CHN2: variants seen among roughly 807,000 people sequenced by gnomAD.
CHN2 encodes chimerin 2.
Under a neutral mutation model 56.3 loss-of-function variants are expected in CHN2, and 35 were observed. The ratio of observed to expected loss-of-function variants is 0.62; its 90% confidence interval spans 0.47 to 0.82. The LOEUF (loss-of-function observed/expected upper bound fraction) is 0.82. Ranked by LOEUF, CHN2 falls within the 40% of genes least tolerant of loss-of-function variation. The probability of loss-of-function intolerance (pLI) is 0.00; values close to 1 mark genes in which losing one functional copy is unlikely to be tolerated. For synonymous variants in CHN2, 210 were observed against 212.8 expected (o/e 0.99, Z 0.12); for missense variants, 491 against 580.5 (o/e 0.85, Z 1.58).
chr7:29,308,145 C>G (rs1191057579), intron 1 of CHN2, among the ~76,000 whole-genome samples: 1 of 152,136 alleles, frequency 6.6e-6, no homozygotes, highest in African/African-American at 2.4e-5. Flanking sequence ...TCTACAAGCT[C>G]CTGCTTTTTC....
chr7:29,453,725 T>G (rs1784557676), intron 6 of CHN2, among the ~76,000 whole-genome samples: 1 of 152,182 alleles, frequency 6.6e-6, no homozygotes, highest in African/African-American at 2.4e-5. Context: ...GGTTTGGATT[T>G]GATAGAGAGA....
rs556692737 is a variant in CHN2 at position 29,440,684 on chromosome 7, C to CAAA, written c.577-39569_577-39567dup. Among the ~76,000 whole-genome samples, 160 of 45,618 alleles carry CAAA rather than the reference C, an allele frequency of 3.5e-3. 12 individuals are homozygous for CAAA. Among genetic ancestry groups the CAAA allele is most frequent in the African/African-American group, 6.8e-3 (131 of 19,322 alleles). 29.9% of individuals were successfully genotyped at this position (45,618 alleles called of 152,430 possible). On this transcript the variant is annotated intron_variant, in intron 6 of 12. Transcript: ENST00000222792. ...TGGGCAACACAATGAGACTCCGTCT[C>CAAA]AAAAAAAAAAAAAAAAAAAAAAAAA...
At chr7:29,268,448 T>G (rs1260871778) in intron 1 of CHN2, among the ~76,000 whole-genome samples, 5 of 152,172 alleles carry the variant, frequency 3.3e-5, no homozygotes, top group Admixed American at 6.5e-5. Context: ...ATTTGGAGGA[T>G]AATAATCTCC....
chr7:29,441,664 T>C (rs189472534), intron 6 of CHN2, among the ~76,000 whole-genome samples: 40 of 152,238 alleles, frequency 2.6e-4, no homozygotes, highest in African/African-American at 9.1e-4. Flanking sequence ...AAATGGCCAA[T>C]AAGCACATGA....
At chr7:29,151,582 T>C (rs1454861557) in intron 2 of CHN2, among the ~76,000 whole-genome samples, 1 of 152,204 alleles carries the variant, frequency 6.6e-6, no homozygotes, top group Admixed American at 6.5e-5. Context: ...CCCAACACTT[T>C]TTATATATAT....
In CHN2 at chr7:29,436,068, A is replaced by T. The variant is rs1585385511; in HGVS notation, c.576+35240A>T. On this transcript the variant is annotated intron_variant, in intron 6 of 12. Transcript: ENST00000222792. Reference sequence around the variant, plus strand: ...TCTGCCCTGTAAACACAAATGCAGCATGCATGGCAAGCCCTGGAGTGACGC... The same window carrying T: ...TCTGCCCTGTAAACACAAATGCAGCTTGCATGGCAAGCCCTGGAGTGACGC... Among the ~76,000 whole-genome samples, 9 of 152,270 alleles carry T rather than the reference A, an allele frequency of 5.9e-5. No individual in the cohort carries two copies. The South Asian group carries it at 1.9e-3, about 32-fold the overall frequency.
chr7:29,455,965 C>G (rs913323683), intron 6 of CHN2, among the ~76,000 whole-genome samples: 2 of 152,164 alleles, frequency 1.3e-5, no homozygotes, highest in African/African-American at 4.8e-5. Flanking sequence ...TTGGAGTAGC[C>G]AAGAAGAGTC....
intron 2 of CHN2, among the ~76,000 whole-genome samples, chr7:29,183,266 T>G (rs1276946766): frequency 6.6e-6 from 1 of 151,986 alleles, no homozygotes; most frequent in Non-Finnish European, 1.5e-5. Flanking sequence ...GTATTTTCAG[T>G]AGAGACAGGG....
intron 6 of CHN2, among the ~76,000 whole-genome samples, chr7:29,444,529 C>T (rs1296484449): frequency 6.6e-6 from 1 of 152,194 alleles, no homozygotes; most frequent in East Asian, 1.9e-4. Context: ...GTCTGTCATC[C>T]TCAGTGCCTC....
intron 6 of CHN2, among the ~76,000 whole-genome samples, chr7:29,446,242 G>A (rs1446448700): frequency 6.6e-6 from 1 of 152,102 alleles, no homozygotes; most frequent in East Asian, 1.9e-4. Context: ...ATTTATCCAT[G>A]TAACTAAACA....
In CHN2 at chr7:29,509,415, A is replaced by G. The variant is rs368405119; in HGVS notation, c.1235+9A>G. The G allele has an allele frequency of 1.2e-6, 2 of 1,602,424 alleles. No homozygotes were observed. Among genetic ancestry groups the G allele is most frequent in the Non-Finnish European group, 1.7e-6 (2 of 1,169,476 alleles). On this transcript the variant is annotated intron_variant, in intron 12 of 12. Transcript: ENST00000222792. ...ATGATCCACCTCAAAAAGTAAGCTC[A>G]TGTCTCGTGCACAAAGCCTGCTCTG...
At chr7:29,431,064 C>T (rs1332635162) in intron 6 of CHN2, among the ~76,000 whole-genome samples, 1 of 152,014 alleles carries the variant, frequency 6.6e-6, no homozygotes. Flanking sequence ...AGAATCTGCC[C>T]CCAAGCCTAA....
chr7:29,465,034 A>T (rs10951225), intron 6 of CHN2, among the ~76,000 whole-genome samples: 50 of 152,030 alleles, frequency 3.3e-4, no homozygotes, highest in Admixed American at 1.6e-3. Context: ...TTATAAATTC[A>T]CATCCTAAAA....
intron 3 of CHN2, among the ~76,000 whole-genome samples, chr7:29,382,805 G>A (rs1421007973): frequency 3.9e-5 from 6 of 152,166 alleles, no homozygotes; most frequent in Non-Finnish European, 5.9e-5. Context: ...CCAGGCTAAG[G>A]CATAGAGAGA....
intron 6 of CHN2, among the ~76,000 whole-genome samples, chr7:29,471,329 G>A (rs923538426): frequency 6.6e-6 from 1 of 152,184 alleles, no homozygotes; most frequent in African/African-American, 2.4e-5. Flanking sequence ...CCTCTATGAG[G>A]TGGAGTATCT....
chr7:29,413,036 T>C (rs568508714), intron 6 of CHN2, among the ~76,000 whole-genome samples: 1 of 152,196 alleles, frequency 6.6e-6, no homozygotes, highest in Non-Finnish European at 1.5e-5. Flanking sequence ...GTTGCAGAAC[T>C]GGCATTACTC....
intron 1 of CHN2, among the ~76,000 whole-genome samples, chr7:29,351,049 G>A (rs1293938130): frequency 1.4e-5 from 2 of 144,412 alleles, no homozygotes; most frequent in African/African-American, 2.6e-5. Flanking sequence ...CGGAGGTTGC[G>A]ATGAGCTGAG....
At chr7:29,240,808 T>TCTG (rs1410982984) in intron 1 of CHN2, among the ~76,000 whole-genome samples, 2 of 130,648 alleles carry the variant, frequency 1.5e-5, no homozygotes, top group Non-Finnish European at 3.3e-5. Context: ...CTCTTCTTCT[T>TCTG]CTTCTTCTTC....
At chr7:29,344,763 G>A (rs3793281) in intron 1 of CHN2, among the ~76,000 whole-genome samples, 1 of 151,946 alleles carries the variant, frequency 6.6e-6, no homozygotes, top group Non-Finnish European at 1.5e-5. Context: ...TGCTCTTGAA[G>A]GACCCTGGAC....
Sources: allele counts gnomAD v4.1 joint callset (sites outside exome capture counted in the v4.1 genomes callset), GRCh38; gene constraint gnomAD v4.1.1; transcripts MANE v1.5; gene names NCBI Gene and HGNC (gene_info 2026-07-23, HGNC 2026-07-21).